DRICH1: variants seen among roughly 807,000 people sequenced by gnomAD.
DRICH1 encodes the protein aspartate rich 1.
DRICH1 carries 38 observed loss-of-function variants against 39.5 expected under a neutral mutation model. The ratio of observed to expected loss-of-function variants is 0.96; its 90% CI spans 0.74 to 1.26. The LOEUF (loss-of-function observed/expected upper bound fraction) is 1.26, where lower values mean the gene tolerates loss of function less well. DRICH1 is among the 50% of genes most tolerant of loss of function. The probability of loss-of-function intolerance (pLI) is 0.00; values close to 1 mark genes in which losing one functional copy is unlikely to be tolerated. For missense variants in DRICH1, 279 were observed against 270.4 expected (o/e 1.03, Z -0.22); for synonymous variants, 84 against 99.5 (o/e 0.84, Z 0.93).
the DRICH1 span, among the ~76,000 whole-genome samples, chr22:23,601,380 T>G: frequency 2.0e-5 from 3 of 152,142 alleles, no homozygotes; most frequent in Non-Finnish European, 2.9e-5. Context: ...GCATTAAAAA[T>G]GAACAAACTA....
intron 3 of DRICH1, among the ~76,000 whole-genome samples, chr22:23,622,627 T>C (rs1222870717): frequency 7.3e-6 from 1 of 136,138 alleles, no homozygotes; most frequent in Non-Finnish European, 1.6e-5. Flanking sequence ...TGAAATGGAC[T>C]CAATTTTACC....
chr22:23,595,837 A>T, the DRICH1 span, among the ~76,000 whole-genome samples: 1 of 152,172 alleles, frequency 6.6e-6, no homozygotes, highest in Admixed American at 6.6e-5. Flanking sequence ...TTCTAAAGAG[A>T]TCTAGGGAGG....
intron 1 of DRICH1, among the ~76,000 whole-genome samples, chr22:23,631,291 C>A (rs1602356014): frequency 6.6e-6 from 1 of 151,828 alleles, no homozygotes; most frequent in South Asian, 2.1e-4. Flanking sequence ...TGGTAGTGGG[C>A]ACCTGTAGTC....
chr22:23,632,057 G>A lies in DRICH1; in HGVS notation c.-34C>T, dbSNP rs770021152. ...TCCATGCCTCTCCACTCCTGCCTCA[G>A]CCTTCAGCGAAATTGTAACTGTGCT... On this transcript the variant is annotated 5_prime_UTR_variant, in exon 1 of 12. Coordinates refer to ENST00000317749, the MANE Select transcript of DRICH1 (RefSeq NM_016449.4). The A allele has an allele frequency of 1.9e-6, 3 of 1,611,210 alleles. No homozygotes were observed. The African/African-American group carries it at 4.0e-5, about 21-fold the overall frequency.
At chr22:23,600,095 T>C in the DRICH1 span, among the ~76,000 whole-genome samples, 1 of 152,094 alleles carries the variant, frequency 6.6e-6, no homozygotes, top group Non-Finnish European at 1.5e-5. Context: ...TAAGTAACTG[T>C]CCAGTCTGAA....
Position 23,608,778 on chromosome 22 carries a change from G to A in DRICH1, c.686-10C>T, listed in dbSNP as rs993679186. 36 of 1,560,404 alleles carry A rather than the reference G, an allele frequency of 2.3e-5. No homozygotes were observed. The highest frequency in any genetic ancestry group is 3.0e-5 in the Non-Finnish European group (34 of 1,150,854). On this transcript the variant is annotated splice_polypyrimidine_tract_variant and intron_variant, in intron 11 of 11. Transcript: ENST00000317749. Reference sequence around the variant, plus strand: ...ACAGAAGGGCTTCACCCTGGATGAAGAGATAATCCCTTTTTAGTGAGAGCA... The same window carrying A: ...ACAGAAGGGCTTCACCCTGGATGAAAAGATAATCCCTTTTTAGTGAGAGCA...
At chr22:23,624,377 C>T in intron 3 of DRICH1, 6 of 976,726 alleles carry the variant, frequency 6.1e-6, no homozygotes, top group Non-Finnish European at 7.3e-6. Context: ...ACTCAATAGC[C>T]CATAAACATA....
At chr22:23,611,979 G>A (rs1344149524) in intron 11 of DRICH1, among the ~76,000 whole-genome samples, 2 of 152,014 alleles carry the variant, frequency 1.3e-5, no homozygotes, top group Non-Finnish European at 2.9e-5. Context: ...TTGGAGAAAC[G>A]GCTACTCACA....
chr22:23,601,714 C>A, the DRICH1 span, among the ~76,000 whole-genome samples: 15 of 152,188 alleles, frequency 9.9e-5, no homozygotes, highest in Non-Finnish European at 1.9e-4. Context: ...GGCCGGAGTA[C>A]CTGGGATCCC....
chr22:23,619,575 C>G (rs1305691234), intron 5 of DRICH1, among the ~76,000 whole-genome samples, 182 bp from the exon 6 acceptor site: 1 of 147,984 alleles, frequency 6.8e-6, no homozygotes, highest in Non-Finnish European at 1.5e-5. Context: ...ATATAGAATA[C>G]AGAGCCCAGA....
At chr22:23,619,001 G>A (rs1395594785) in intron 6 of DRICH1, among the ~76,000 whole-genome samples, 2 of 151,794 alleles carry the variant, frequency 1.3e-5, no homozygotes, top group East Asian at 1.9e-4. Flanking sequence ...GTAAAACCAC[G>A]TCTCTACTAA....
intron 11 of DRICH1, chr22:23,610,555 A>G (rs1926975854): frequency 6.6e-6 from 1 of 152,208 alleles, no homozygotes; most frequent in African/African-American, 2.4e-5. Flanking sequence ...TGCCGATCAG[A>G]TAATTGGTGA....
chr22:23,621,301 TGTCTGTTCTTATCA>T (rs1050528352), intron 4 of DRICH1, among the ~76,000 whole-genome samples: 5 of 152,112 alleles, frequency 3.3e-5, no homozygotes, highest in African/African-American at 1.2e-4. Context: ...TAGCTCGCTT[TGTCTGTTCTTATCA>T]GCCTGCCCAG....
At chr22:23,621,642 G>A (rs905189288) in intron 4 of DRICH1, among the ~76,000 whole-genome samples, 4 of 152,104 alleles carry the variant, frequency 2.6e-5, no homozygotes, top group African/African-American at 7.2e-5. Flanking sequence ...GGCCAGGTGG[G>A]GTGGCTCATG....
intron 1 of DRICH1, among the ~76,000 whole-genome samples, chr22:23,629,939 C>T (rs1178492552): frequency 6.6e-6 from 1 of 152,066 alleles, no homozygotes; most frequent in Non-Finnish European, 1.5e-5. Flanking sequence ...ATTTCTAAGG[C>T]TTGAGGTACT....
intron 11 of DRICH1, among the ~76,000 whole-genome samples, chr22:23,609,887 C>T (rs555140527): frequency 3.9e-5 from 6 of 152,260 alleles, no homozygotes; most frequent in Non-Finnish European, 8.8e-5. Context: ...TCTTTCCTTT[C>T]TTGCTTGGAC....
At chr22:23,628,160 C>T (rs1283206840) in intron 1 of DRICH1, among the ~76,000 whole-genome samples, 1 of 152,228 alleles carries the variant, frequency 6.6e-6, no homozygotes, top group Non-Finnish European at 1.5e-5. Flanking sequence ...TGGAATCAGT[C>T]CCCATCCCTC....
chr22:23,604,565 C>G (rs1423388711), downstream of DRICH1, among the ~76,000 whole-genome samples: 1 of 152,198 alleles, frequency 6.6e-6, no homozygotes, highest in African/African-American at 2.4e-5. Context: ...AGACCCTGGT[C>G]TCAGCCTGGC....
At chr22:23,622,010 T>C in intron 4 of DRICH1, 81 bp downstream of exon 4, 2 of 1,313,864 alleles carry the variant, frequency 1.5e-6, no homozygotes, top group Non-Finnish European at 2.2e-6. Flanking sequence ...CTGAGTCCAT[T>C]CTTTGGGATT....
Sources: allele counts gnomAD v4.1 joint callset (sites outside exome capture counted in the v4.1 genomes callset), GRCh38; gene constraint gnomAD v4.1.1; transcripts MANE v1.5; gene names NCBI Gene and HGNC (gene_info 2026-07-23, HGNC 2026-07-21).